The following RRP12 variants were observed in gnomAD, a reference collection of about 807,000 sequenced individuals.
RRP12 encodes the protein ribosomal RNA processing 12 homolog, also known as RRP12-like protein.
A neutral mutation model predicts 157.3 loss-of-function variants in RRP12; 78 were observed. The observed-to-expected ratio is 0.50, with a 90% confidence interval of 0.41 to 0.60. The LOEUF (loss-of-function observed/expected upper bound fraction) is 0.60, where lower values mean the gene tolerates loss of function less well. Among genes scored for constraint, RRP12 ranks in the 20% least tolerant of loss-of-function variants. RRP12 has a pLI of 0.00. For missense variants in RRP12, 1,521 were observed against 1,679.9 expected (o/e 0.91, Z 1.65); for synonymous variants, 726 against 670.9 (o/e 1.08, Z -1.27).
chr10:97,393,719 G>A lies in RRP12; in HGVS notation c.495C>T (p.Ala165=), dbSNP rs770306008. ...MEAVESPESL[A]AVAYLLNLVL... ...CAAGGTTCAGCAGGTAAGCAACGGC[G>A]GCCAGGGACTCCGGGGACTCCACTG... The change falls in exon 4 of 34, where the codon GCC becomes GCT. Residue 165 remains alanine, a synonymous_variant. Coordinates refer to ENST00000370992, the MANE Select transcript of RRP12 (RefSeq NM_015179.4). 47 of 1,613,938 alleles carry A rather than the reference G, an allele frequency of 2.9e-5. No individual in the cohort carries two copies. The Middle Eastern group carries it at 4.9e-4, about 17-fold the overall frequency.
intron 2 of RRP12, among the ~76,000 whole-genome samples, chr10:97,398,037 G>GTTT (rs1845029830): frequency 2.7e-5 from 1 of 36,576 alleles, no homozygotes; most frequent in Admixed American, 2.9e-4. Flanking sequence ...ATATATATAC[G>GTTT]TATTTTTTTT....
intron 28 of RRP12, 87 bp downstream of exon 28, chr10:97,366,359 C>A: frequency 6.4e-7 from 1 of 1,554,502 alleles, no homozygotes. Context: ...ATGGGCCTGC[C>A]ATGGATGCCA....
chr10:97,368,203 G>GT (rs1206800087), intron 25 of RRP12, among the ~76,000 whole-genome samples: 3 of 149,658 alleles, frequency 2.0e-5, no homozygotes, highest in African/African-American at 7.4e-5. Context: ...GCTAATTTTT[G>GT]TATTTTTTAG....
At position 97,358,566 on chromosome 10, in the gene RRP12, G is replaced by A; in HGVS notation, c.3762C>T (p.Ile1254=). The A allele has an allele frequency of 1.2e-6, 2 of 1,614,004 alleles. No homozygotes were observed. The highest frequency in any genetic ancestry group is 8.5e-7 in the Non-Finnish European group (1 of 1,179,960). ...GGTTGAGCTTGCTTCTGTTGAGGGGGATGTAGGCATAGGGATCCGGCCGGC... is the reference window on the plus strand; with the variant it reads ...GGTTGAGCTTGCTTCTGTTGAGGGGAATGTAGGCATAGGGATCCGGCCGGC... ...KKGRPDPYAY[I]PLNRSKLNRR... is the part of the protein sequence containing the mutation. The change falls in exon 33 of 34, where the codon ATC becomes ATT. Residue 1254 remains isoleucine, a synonymous_variant. Transcript: ENST00000370992.
chr10:97,396,141 CA>C, intron 3 of RRP12, 76 bp downstream of exon 3: 1 of 1,021,426 alleles, frequency 9.8e-7, no homozygotes, highest in Non-Finnish European at 1.6e-6. Context: ...CCCCACATGC[CA>C]GGGGCACTCA....
At position 97,373,028 on chromosome 10, in the gene RRP12, C is replaced by G; in HGVS notation, c.2181+18G>C. 6.3e-7 allele frequency: 1 copy of G among 1,599,194 alleles called. No individual in the cohort carries two copies. The highest frequency in any genetic ancestry group is 8.5e-7 in the Non-Finnish European group (1 of 1,170,392). On this transcript the variant is annotated intron_variant, in intron 18 of 33. Transcript: ENST00000370992. ...GAGAGCTCCCCTCCTCCCTCCTTCC[C>G]TCCCTTCCGTGGCTCACCTGAGTGT... is the stretch of plus-strand genomic sequence containing the variant.
intron 30 of RRP12, among the ~76,000 whole-genome samples, chr10:97,363,358 T>C (rs967997812): frequency 2.6e-5 from 4 of 152,082 alleles, no homozygotes; most frequent in African/African-American, 7.2e-5. Context: ...GGCAAAGAGG[T>C]TGAATTCCTG....
At chr10:97,360,850 G>A (rs1447500934) in intron 30 of RRP12, among the ~76,000 whole-genome samples, 4 of 152,192 alleles carry the variant, frequency 2.6e-5, no homozygotes, top group Non-Finnish European at 5.9e-5. Flanking sequence ...TGACTGCCGG[G>A]CTGGTGGCGG....
intron 29 of RRP12, among the ~76,000 whole-genome samples, chr10:97,364,752 T>C (rs1843928417): frequency 6.6e-6 from 1 of 152,080 alleles, no homozygotes; most frequent in Admixed American, 6.6e-5. Context: ...GAAGACTGGG[T>C]TTCCTCTGGG....
chr10:97,383,476 C>T (rs1844526243), intron 10 of RRP12, among the ~76,000 whole-genome samples: 1 of 151,320 alleles, frequency 6.6e-6, no homozygotes. Context: ...TTGGCACACG[C>T]CTGGGTGACA....
At chr10:97,377,710 G>A (rs1267437909) in intron 15 of RRP12, among the ~76,000 whole-genome samples, 1 of 151,848 alleles carries the variant, frequency 6.6e-6, no homozygotes, top group South Asian at 2.1e-4. Flanking sequence ...TGGGTGTGGT[G>A]GCAGGTGCTT....
intron 15 of RRP12, among the ~76,000 whole-genome samples, chr10:97,374,568 TGA>T (rs1844251783): frequency 6.6e-6 from 1 of 151,646 alleles, no homozygotes; most frequent in South Asian, 2.1e-4. Context: ...GTCAGGAGAT[TGA>T]GACCATCCTG....
In RRP12 at chr10:97,366,500, C is replaced by A. The variant is rs138766679; in HGVS notation, c.3337G>T (p.Gly1113Cys). 1.2e-6 allele frequency: 2 copies of A among 1,614,038 alleles called. No homozygotes were observed. The highest frequency in any genetic ancestry group is 1.7e-6 in the Non-Finnish European group (2 of 1,180,006). Residue 1113 changes from glycine (G) to cysteine (C), a missense_variant, in exon 28 of 34, where the codon GGT becomes TGT. Transcript: ENST00000370992. The part of the protein sequence containing the change: ...QRSRAWLKEG[G>C]GDEPLNFLDP... Reference sequence around the variant, plus strand: ...AGGAAGTTGAGGGGCTCGTCCCCACCGCCCTCTTTCAGCCATGCCCGGCTC... The same window carrying A: ...AGGAAGTTGAGGGGCTCGTCCCCACAGCCCTCTTTCAGCCATGCCCGGCTC...
intron 1 of RRP12, 36 bp downstream of exon 1, chr10:97,401,057 C>A: frequency 6.2e-7 from 1 of 1,606,306 alleles, no homozygotes. Context: ...GCCTGGAACC[C>A]CGCCCCCGGC....
chr10:97,375,412 G>A (rs1182619203), intron 15 of RRP12, among the ~76,000 whole-genome samples: 1 of 152,068 alleles, frequency 6.6e-6, no homozygotes, highest in East Asian at 1.9e-4. Flanking sequence ...CCAAAAGTAG[G>A]GCTTTACCAT....
intron 4 of RRP12, among the ~76,000 whole-genome samples, chr10:97,391,868 G>A (rs1244958968): frequency 6.6e-6 from 1 of 151,580 alleles, no homozygotes; most frequent in Admixed American, 6.6e-5. Flanking sequence ...TGCAGTGGGA[G>A]GAGGTGGCGC....
intron 15 of RRP12, among the ~76,000 whole-genome samples, chr10:97,377,368 AT>A (rs1012338529): frequency 6.8e-6 from 1 of 147,818 alleles, no homozygotes; most frequent in African/African-American, 2.5e-5. Flanking sequence ...AATACAAGAA[AT>A]TTTTAAAAAG....
intron 20 of RRP12, chr10:97,371,413 C>T (rs1357060886): frequency 3.0e-6 from 1 of 330,968 alleles, no homozygotes; most frequent in South Asian, 4.6e-5. Context: ...CTCTCTCCTT[C>T]CAAGACTGAC....
At chr10:97,364,915 A>G (rs1843932151) in intron 29 of RRP12, among the ~76,000 whole-genome samples, 1 of 152,168 alleles carries the variant, frequency 6.6e-6, no homozygotes, top group South Asian at 2.1e-4. Flanking sequence ...ATGCCTGGGC[A>G]CCAAGGGGGA....
Sources: gnomAD v4.1 joint callset for allele counts (sites outside exome capture counted in the v4.1 genomes callset) on GRCh38, gnomAD v4.1.1 for gene constraint, MANE v1.5 for transcripts, NCBI Gene and HGNC (gene_info 2026-07-23, HGNC 2026-07-21) for gene names.